The following ADAMTSL3 variants were observed in gnomAD, a reference collection of about 807,000 sequenced individuals.
ADAMTSL3 encodes the protein ADAMTS-like protein 3.
ADAMTSL3 carries 128 observed loss-of-function variants against 201.7 expected under a neutral mutation model. The observed-to-expected ratio is 0.63, with a 90% CI of 0.55 to 0.73. ADAMTSL3 has a LOEUF of 0.73. Among genes scored for constraint, ADAMTSL3 ranks in the 30% least tolerant of loss-of-function variants. The pLI is 0.00. For synonymous variants in ADAMTSL3, 738 were observed against 748.4 expected (o/e 0.99, Z 0.23); for missense variants, 1,990 against 2,119.6 (o/e 0.94, Z 1.20).
intron 19 of ADAMTSL3, among the ~76,000 whole-genome samples, chr15:83,959,705 G>A (rs534107242): frequency 2.6e-5 from 4 of 152,176 alleles, no homozygotes; most frequent in African/African-American, 4.8e-5. Context: ...AGGAATCCAC[G>A]AGATGTCTAT....
chr15:83,923,844 C>G, intron 16 of ADAMTSL3, 60 bp from the exon 17 acceptor site: 2 of 1,592,890 alleles, frequency 1.3e-6, no homozygotes, highest in South Asian at 1.1e-5. Context: ...ACTCTATTTT[C>G]TTTTTTCCAC....
intron 16 of ADAMTSL3, among the ~76,000 whole-genome samples, chr15:83,920,556 C>T (rs1347021779): frequency 6.6e-6 from 1 of 152,106 alleles, no homozygotes; most frequent in East Asian, 1.9e-4. Context: ...CAGTAGTACC[C>T]CTTCAGTCAA....
intron 16 of ADAMTSL3, among the ~76,000 whole-genome samples, chr15:83,919,218 G>T: frequency 6.6e-6 from 1 of 152,148 alleles, no homozygotes; most frequent in Non-Finnish European, 1.5e-5. Flanking sequence ...TCCAAGGATT[G>T]AAGCCAGGGG....
intron 10 of ADAMTSL3, among the ~76,000 whole-genome samples, chr15:83,888,884 T>C (rs1364778269): frequency 2.0e-5 from 3 of 152,216 alleles, no homozygotes; most frequent in Non-Finnish European, 2.9e-5. Context: ...AAAATCAGAT[T>C]CCTCTCGACA....
At chr15:83,769,193 T>A (rs1256689777) in intron 3 of ADAMTSL3, among the ~76,000 whole-genome samples, 1 of 152,156 alleles carries the variant, frequency 6.6e-6, no homozygotes, top group Non-Finnish European at 1.5e-5. Context: ...AAAAACAAAT[T>A]AAAACAGTAT....
At chr15:83,756,949 G>A (rs1219546616) in intron 3 of ADAMTSL3, among the ~76,000 whole-genome samples, 1 of 152,194 alleles carries the variant, frequency 6.6e-6, no homozygotes, top group African/African-American at 2.4e-5. Context: ...TCCAGGTCAC[G>A]CTGATGCAAG....
intron 3 of ADAMTSL3, among the ~76,000 whole-genome samples, chr15:83,757,389 A>G (rs559746835): frequency 2.6e-5 from 4 of 152,272 alleles, no homozygotes; most frequent in South Asian, 2.1e-4. Context: ...CACTCTCTGA[A>G]GCCATGGCCT....
intron 8 of ADAMTSL3, among the ~76,000 whole-genome samples, chr15:83,861,275 G>C (rs1480902533): frequency 1.3e-5 from 2 of 152,236 alleles, no homozygotes; most frequent in Non-Finnish European, 2.9e-5. Context: ...CTGTCTGACA[G>C]CTTTGAAGAG....
rs775556467 is a variant in ADAMTSL3, at chr15:83,942,998, G to T, written c.2406G>T (p.Leu802Phe). ...GCTTTTTGAATCTCTCAGATGAATT[G>T]TGCCAAGGACCCAAGGCATCGTCTC... ...DGSFLNLSDE[L>F]CQGPKASSHK... is the part of the protein sequence containing the mutation. Residue 802 changes from leucine to phenylalanine, a missense_variant, in exon 19 of 30, where the codon TTG (leucine) becomes TTT (phenylalanine). Coordinates refer to ENST00000286744, the MANE Select transcript of ADAMTSL3 (RefSeq NM_207517.3). 2 of 1,614,098 alleles carry T rather than the reference G, an allele frequency of 1.2e-6. No individual in the cohort carries two copies. The highest frequency in any genetic ancestry group is 4.5e-5 in the East Asian group (2 of 44,868).
At chr15:83,730,614 G>A (rs1056860276) in intron 3 of ADAMTSL3, among the ~76,000 whole-genome samples, 2 of 129,804 alleles carry the variant, frequency 1.5e-5, no homozygotes, top group African/African-American at 6.9e-5. Context: ...GGAGCATTTA[G>A]AATCATAATT....
rs138180765 is a variant in ADAMTSL3 at position 83,938,882 on chromosome 15, G to A, written c.2118-3714G>A. Among the ~76,000 whole-genome samples, 488 of 152,196 alleles carry A rather than the reference G, an allele frequency of 3.2e-3. 1 individual carries two copies. The highest frequency in any genetic ancestry group is 0.011 in the African/African-American group (469 of 41,534). ...GGTATTGCTATTTTTTGTAACAAAG[G>A]GGTGCTCAATTAGATATTTTGCTCT... On this transcript the variant is annotated intron_variant, in intron 17 of 29. Transcript: ENST00000286744.
chr15:83,973,117 CCTTT>C (rs1310501572), intron 20 of ADAMTSL3, among the ~76,000 whole-genome samples: 1 of 152,132 alleles, frequency 6.6e-6, no homozygotes. Flanking sequence ...GTGATGATGA[CCTTT>C]CTAACACCTG....
chr15:84,002,148 C>G (rs1252187304), intron 23 of ADAMTSL3, among the ~76,000 whole-genome samples: 1 of 152,090 alleles, frequency 6.6e-6, no homozygotes, highest in Non-Finnish European at 1.5e-5. Context: ...AAACATGGGC[C>G]TGTATACAAT....
At chr15:83,969,566 G>T (rs2067154537) in intron 19 of ADAMTSL3, among the ~76,000 whole-genome samples, 1 of 152,226 alleles carries the variant, frequency 6.6e-6, no homozygotes, top group Non-Finnish European at 1.5e-5. Flanking sequence ...AGGAAACTCT[G>T]CCATTTGTTG....
At chr15:84,003,262 C>A (rs1181617685) in intron 23 of ADAMTSL3, among the ~76,000 whole-genome samples, 1 of 151,936 alleles carries the variant, frequency 6.6e-6, no homozygotes, top group Non-Finnish European at 1.5e-5. Flanking sequence ...CCCACTTTTT[C>A]TTGGTTACCA....
At chr15:83,838,993 CA>C (rs1338244998) in intron 7 of ADAMTSL3, among the ~76,000 whole-genome samples, 7 of 152,284 alleles carry the variant, frequency 4.6e-5, no homozygotes, top group Middle Eastern at 6.8e-3. Context: ...ACTTTATTTA[CA>C]AATGTAGCCT....
rs192429764 is a variant in ADAMTSL3, at chr15:83,847,439, A to G, written c.727+9224A>G. On this transcript the variant is annotated intron_variant, in intron 7 of 29. Transcript: ENST00000286744. Reference sequence around the variant, plus strand: ...AGATGAGCTTGAAGCAAACCTTACTATCCTACTTTTGAAAAATTGTGCAGA... The same window carrying G: ...AGATGAGCTTGAAGCAAACCTTACTGTCCTACTTTTGAAAAATTGTGCAGA... Among the ~76,000 whole-genome samples, 34 of 151,044 alleles carry G rather than the reference A, an allele frequency of 2.3e-4. No individual in the cohort carries two copies. In the East Asian group the frequency reaches 6.4e-3, roughly 29 times the overall value.
At chr15:83,720,389 A>C (rs1350532059) in intron 3 of ADAMTSL3, among the ~76,000 whole-genome samples, 3 of 152,190 alleles carry the variant, frequency 2.0e-5, no homozygotes, top group African/African-American at 7.2e-5. Flanking sequence ...ATATTTCTTA[A>C]ATGTTTGGTC....
chr15:83,851,036 C>T (rs2064601738), intron 7 of ADAMTSL3, among the ~76,000 whole-genome samples: 1 of 152,174 alleles, frequency 6.6e-6, no homozygotes, highest in Non-Finnish European at 1.5e-5. Context: ...CATTCTTGGG[C>T]TCCACCCTAA....
Sources: gnomAD v4.1 joint callset for allele counts (sites outside exome capture counted in the v4.1 genomes callset) on GRCh38, gnomAD v4.1.1 for gene constraint, MANE v1.5 for transcripts, NCBI Gene and HGNC (gene_info 2026-07-23, HGNC 2026-07-21) for gene names.